The following TCF4 variants were observed in gnomAD, a reference collection of about 807,000 sequenced individuals.
TCF4 encodes transcription factor 4, also known as SL3-3 enhancer factor 2.
A neutral mutation model predicts 82.1 loss-of-function variants in TCF4; 3 were observed. The ratio of observed to expected loss-of-function variants is 0.04; its 90% CI spans 0.02 to 0.09. TCF4 has a LOEUF of 0.09. Ranked by LOEUF, TCF4 falls within the 10% of genes least tolerant of loss-of-function variation. The pLI is 1.00. For missense variants in TCF4, 518 were observed against 852.7 expected (o/e 0.61, Z 4.89); for synonymous variants, 276 against 309.6 (o/e 0.89, Z 1.14).
chr18:55,287,068 G>T (rs1179929943), intron 8 of TCF4, among the ~76,000 whole-genome samples: 3 of 151,670 alleles, frequency 2.0e-5, no homozygotes. Flanking sequence ...TCTCTTTATT[G>T]GTAGTCTGAA....
Position 55,275,661 on chromosome 18 carries a change from T to C in TCF4, c.747A>G (p.Pro249=), listed in dbSNP as rs766542539. 6.2e-7 allele frequency: 1 copy of C among 1,613,734 alleles called. No individual in the cohort carries two copies. The highest frequency in any genetic ancestry group is 1.3e-5 in the African/African-American group (1 of 74,900). The change falls in exon 10 of 20, where the codon CCA becomes CCG. Residue 249 remains proline, a synonymous_variant. Coordinates refer to ENST00000354452, the MANE Select transcript of TCF4 (RefSeq NM_001083962.2). ...GCAGGCTACAGTAGCTGCTGGACTG[T>C]GGAATATGAGAAGAGTTGCCCAACA... The part of the protein sequence containing the change: ...AGMLGNSSHI[P]QSSSYCSLHP...
intron 1 of TCF4, among the ~76,000 whole-genome samples, chr18:55,634,650 T>A (rs1302471480): frequency 6.6e-6 from 1 of 152,174 alleles, no homozygotes; most frequent in Non-Finnish European, 1.5e-5. Context: ...CAATAAGTTG[T>A]GAGTCACATG....
At chr18:55,373,286 A>G (rs1414719192) in intron 6 of TCF4, among the ~76,000 whole-genome samples, 1 of 152,024 alleles carries the variant, frequency 6.6e-6, no homozygotes, top group Non-Finnish European at 1.5e-5. Flanking sequence ...AAAATGTAAA[A>G]AAAGAAAAAA....
chr18:55,448,753 A>G (rs548550265), intron 5 of TCF4, among the ~76,000 whole-genome samples: 1 of 152,220 alleles, frequency 6.6e-6, no homozygotes, highest in Non-Finnish European at 1.5e-5. Context: ...CTCTGTGAAT[A>G]TTTCAAAGAA....
intron 8 of TCF4, among the ~76,000 whole-genome samples, chr18:55,349,785 A>G (rs2081962404): frequency 6.6e-6 from 1 of 152,076 alleles, no homozygotes; most frequent in Non-Finnish European, 1.5e-5. Flanking sequence ...TTCTGCATAG[A>G]GCTCCAGCTG....
At chr18:55,274,743 C>T (rs1326926778) in intron 10 of TCF4, among the ~76,000 whole-genome samples, 4 of 152,140 alleles carry the variant, frequency 2.6e-5, no homozygotes, top group Non-Finnish European at 5.9e-5. Flanking sequence ...AAGCTATGTT[C>T]TTGCACAAGG....
At chr18:55,453,839 A>G (rs960316858) in intron 5 of TCF4, among the ~76,000 whole-genome samples, 1 of 149,872 alleles carries the variant, frequency 6.7e-6, no homozygotes, top group African/African-American at 2.4e-5. Flanking sequence ...AATTACAAAA[A>G]TATAAATATA....
At chr18:55,631,480 A>G in intron 1 of TCF4, 1 of 1,391,302 alleles carries the variant, frequency 7.2e-7, no homozygotes, top group Non-Finnish European at 9.7e-7. Context: ...AAGAAATGAT[A>G]ATGTTTTGGG....
intron 6 of TCF4, among the ~76,000 whole-genome samples, chr18:55,387,281 T>A (rs2092688358): frequency 6.6e-6 from 1 of 152,262 alleles, no homozygotes; most frequent in Non-Finnish European, 1.5e-5. Flanking sequence ...CCTGCCCTAG[T>A]AGCCTGGCTC....
intron 3 of TCF4, among the ~76,000 whole-genome samples, chr18:55,532,728 GA>G (rs1487740601): frequency 6.6e-6 from 1 of 152,154 alleles, no homozygotes; most frequent in African/African-American, 2.4e-5. Context: ...GTTCTACTCT[GA>G]AAAGGCAATT....
chr18:55,411,115 T>C (rs1015951490), intron 5 of TCF4, among the ~76,000 whole-genome samples: 2 of 152,168 alleles, frequency 1.3e-5, no homozygotes, highest in African/African-American at 4.8e-5. Context: ...GGGGATAACT[T>C]AGCTGTTTGG....
At chr18:55,617,654 G>A (rs1026286864) in intron 2 of TCF4, among the ~76,000 whole-genome samples, 12 of 151,854 alleles carry the variant, frequency 7.9e-5, no homozygotes, top group African/African-American at 2.9e-4. Context: ...CACTTCCTTG[G>A]TTATGTTTAT....
At chr18:55,524,493 C>G (rs761692387) in intron 3 of TCF4, among the ~76,000 whole-genome samples, 3 of 152,056 alleles carry the variant, frequency 2.0e-5, no homozygotes, top group Non-Finnish European at 2.9e-5. Context: ...TTCAAGTGTT[C>G]TTTTCTTTAA....
At chr18:55,370,390 A>ATAGG (rs902838733) in intron 6 of TCF4, among the ~76,000 whole-genome samples, 4 of 151,916 alleles carry the variant, frequency 2.6e-5, no homozygotes, top group African/African-American at 4.8e-5. Context: ...GGCTCAGTAC[A>ATAGG]TAGGTAGGTA....
At chr18:55,541,798 A>G (rs572558669) in intron 3 of TCF4, among the ~76,000 whole-genome samples, 1 of 152,080 alleles carries the variant, frequency 6.6e-6, no homozygotes, top group South Asian at 2.1e-4. Flanking sequence ...TTCTGTACTT[A>G]TTTGTCTCTT....
At chr18:55,419,867 C>CA (rs1401059011) in intron 5 of TCF4, among the ~76,000 whole-genome samples, 2 of 152,328 alleles carry the variant, frequency 1.3e-5, no homozygotes, top group East Asian at 3.9e-4. Context: ...TCGCTGCCCA[C>CA]AAACAAATGT....
At position 55,228,264 on chromosome 18, in the gene TCF4, A is replaced by T; in HGVS notation, c.1977T>A (p.Pro659=). 1 of 1,614,006 alleles carries T rather than the reference A, an allele frequency of 6.2e-7. No homozygotes were observed. Among genetic ancestry groups the T allele is most frequent in the South Asian group, 1.1e-5 (1 of 91,070 alleles). Residue 659 remains proline (P), a synonymous_variant, in exon 19 of 20, where the codon CCT becomes CCA. Coordinates refer to ENST00000354452, the MANE Select transcript of TCF4 (RefSeq NM_001083962.2). ...PPPLSLAGPH[P]GMGDASNHMG... The stretch of plus-strand genomic sequence containing the variant: ...TGTGATTCGATGCGTCTCCCATTCC[A>T]GGGTGTGGGCCGGCCAAGGAGAGAG...
At chr18:55,425,273 C>T (rs1253074731) in intron 5 of TCF4, among the ~76,000 whole-genome samples, 1 of 151,978 alleles carries the variant, frequency 6.6e-6, no homozygotes, top group East Asian at 1.9e-4. Flanking sequence ...GAAATGAAAG[C>T]TTTGTCTCTT....
At position 55,227,126 on chromosome 18, in the gene TCF4, C is replaced by T. The variant is rs143242430; in HGVS notation, c.*909G>A. ...CCCAAAAGACTGGAGAAACAACTTTCTACTTATTTATGAATGAGAAGCAAC... is the reference window on the plus strand; with the variant it reads ...CCCAAAAGACTGGAGAAACAACTTTTTACTTATTTATGAATGAGAAGCAAC... On this transcript the variant is annotated 3_prime_UTR_variant, in exon 20 of 20. Transcript: ENST00000354452. 5.1e-3 allele frequency: 770 copies of T among 152,362 alleles called. 7 individuals are homozygous for T. The highest frequency in any genetic ancestry group is 0.018 in the African/African-American group (739 of 41,420). 9.4% of individuals were successfully genotyped at this position (152,362 alleles called of 1,614,324 possible).
Sources: allele counts gnomAD v4.1 joint callset (sites outside exome capture counted in the v4.1 genomes callset), GRCh38; gene constraint gnomAD v4.1.1; transcripts MANE v1.5; gene names NCBI Gene and HGNC (gene_info 2026-07-23, HGNC 2026-07-21).